Variants in ACSM1 observed in about 807,000 individuals in gnomAD.
ACSM1 encodes acyl-coenzyme A synthetase ACSM1, mitochondrial.
ACSM1 carries 79 observed loss-of-function variants against 75.8 expected under a neutral mutation model. The observed-to-expected ratio is 1.04, with a 90% CI of 0.87 to 1.26. The LOEUF (loss-of-function observed/expected upper bound fraction) is 1.26, where lower values mean the gene tolerates loss of function less well. Among genes scored for constraint, ACSM1 ranks in the 50% most tolerant of loss-of-function variants. The pLI is 0.00. For synonymous variants in ACSM1, 279 were observed against 265.8 expected (o/e 1.05, Z -0.48); for missense variants, 676 against 720.1 (o/e 0.94, Z 0.70).
intron 4 of ACSM1, among the ~76,000 whole-genome samples, chr16:20,678,827 G>A (rs2079372489): frequency 6.6e-6 from 1 of 152,172 alleles, no homozygotes; most frequent in Non-Finnish European, 1.5e-5. Flanking sequence ...TCAAAGGTAG[G>A]ATCAGGTCTT....
At chr16:20,637,854 C>T (rs181543161) in intron 8 of ACSM1, among the ~76,000 whole-genome samples, 1 of 152,318 alleles carries the variant, frequency 6.6e-6, no homozygotes, top group African/African-American at 2.4e-5. Context: ...GGCTGTTGAG[C>T]AGTGATAGGG....
At chr16:20,640,883 T>C (rs778876956) in intron 7 of ACSM1, among the ~76,000 whole-genome samples, 4 of 152,228 alleles carry the variant, frequency 2.6e-5, no homozygotes, top group Admixed American at 2.0e-4. Context: ...TTATCAGAAC[T>C]CCTCTTGGGG....
At chr16:20,694,081 C>A (rs2079677078) in intron 1 of ACSM1, among the ~76,000 whole-genome samples, 1 of 152,332 alleles carries the variant, frequency 6.6e-6, no homozygotes, top group East Asian at 1.9e-4. Context: ...ATAGCCTGTT[C>A]CTCTTGCTTA....
chr16:20,671,449 AC>A, intron 5 of ACSM1, 81 bp downstream of exon 5: 6 of 1,223,824 alleles, frequency 4.9e-6, no homozygotes, highest in Non-Finnish European at 5.5e-6. Flanking sequence ...AGACACACAC[AC>A]ACACACACAC....
intron 2 of ACSM1, among the ~76,000 whole-genome samples, chr16:20,685,819 C>CAAACAAAAA (rs2079538926): frequency 2.0e-5 from 1 of 50,190 alleles, no homozygotes; most frequent in African/African-American, 1.1e-4. Flanking sequence ...GACTCCGTCT[C>CAAACAAAAA]AAAAAAAAAA....
At chr16:20,691,330 G>T in intron 1 of ACSM1, 91 bp from the exon 2 acceptor site, 1 of 653,196 alleles carries the variant, frequency 1.5e-6, no homozygotes, top group Non-Finnish European at 2.5e-6. Flanking sequence ...TACAGTTATA[G>T]CTTTGTTTCA....
At chr16:20,646,631 A>G (rs977539964) in intron 7 of ACSM1, among the ~76,000 whole-genome samples, 3 of 152,156 alleles carry the variant, frequency 2.0e-5, no homozygotes, top group Non-Finnish European at 4.4e-5. Context: ...CTCTTTTCAC[A>G]TGTCTTTCTA....
chr16:20,660,716 C>G (rs1190963589), intron 7 of ACSM1, among the ~76,000 whole-genome samples: 1 of 152,156 alleles, frequency 6.6e-6, no homozygotes, highest in Non-Finnish European at 1.5e-5. Context: ...GATATTTTAA[C>G]TTTTATGTCT....
At position 20,624,221 on chromosome 16, in the gene ACSM1, G is replaced by A. The variant is rs74014538; in HGVS notation, c.1528-6C>T. The A allele has an allele frequency of 1.9e-6, 3 of 1,605,180 alleles. No homozygotes were observed. Among genetic ancestry groups the A allele is most frequent in the Non-Finnish European group, 2.6e-6 (3 of 1,174,800 alleles). On this transcript the variant is annotated splice_region_variant and splice_polypyrimidine_tract_variant and intron_variant, in intron 12 of 13. Transcript: ENST00000520010. ...ACAATAAAGGCCTTCACCACCTGCA[G>A]AATGAAGTCATGGGCTCACAGTGAG...
At position 20,627,305 on chromosome 16, in the gene ACSM1, C is replaced by A; in HGVS notation, c.1311G>T (p.Glu437Asp). Reference protein sequence around the residue: ...SLFMCYEGDPEKTAKVECGDF... With the variant: ...SLFMCYEGDPDKTAKVECGDF... ...CCCCACATTCCACTTTAGCTGTCTT[C>A]TCTGGGTCACCCTGCAAAAAGAAGA... The change falls in exon 11 of 14, where the codon GAG becomes GAT. Residue 437 changes from glutamate to aspartate, a missense_variant. Glu to Asp is a conservative substitution (Grantham distance 45, BLOSUM62 2). Transcript: ENST00000520010. 1 of 1,573,718 alleles carries A rather than the reference C, an allele frequency of 6.4e-7. No homozygotes were observed. The highest frequency in any genetic ancestry group is 8.6e-7 in the Non-Finnish European group (1 of 1,163,738).
At chr16:20,631,433 G>A (rs1215968374) in intron 10 of ACSM1, among the ~76,000 whole-genome samples, 1 of 152,220 alleles carries the variant, frequency 6.6e-6, no homozygotes, top group Non-Finnish European at 1.5e-5. Flanking sequence ...ATGTAAATTA[G>A]TACAGCTGCT....
chr16:20,675,831 C>T (rs1157702283), intron 4 of ACSM1, among the ~76,000 whole-genome samples: 2 of 152,154 alleles, frequency 1.3e-5, no homozygotes, highest in Non-Finnish European at 2.9e-5. Flanking sequence ...GTAGAACGTT[C>T]ACAGCTCACA....
chr16:20,693,856 T>C (rs1428782718), intron 1 of ACSM1, among the ~76,000 whole-genome samples: 1 of 152,246 alleles, frequency 6.6e-6, no homozygotes, highest in African/African-American at 2.4e-5. Flanking sequence ...AAAAGTAAAA[T>C]AGAGGTTCCT....
chr16:20,626,964 T>TATG (rs2016961283), intron 11 of ACSM1, among the ~76,000 whole-genome samples: 1 of 152,094 alleles, frequency 6.6e-6, no homozygotes, highest in Admixed American at 6.5e-5. Flanking sequence ...AGTGTCTTAT[T>TATG]ATGGCTCCTC....
At chr16:20,677,294 A>T (rs113638159) in intron 4 of ACSM1, among the ~76,000 whole-genome samples, 2 of 151,912 alleles carry the variant, frequency 1.3e-5, no homozygotes, top group South Asian at 4.1e-4. Flanking sequence ...AACTAAGCTT[A>T]TCTTCTTGTA....
chr16:20,640,451 C>T lies in ACSM1; in HGVS notation c.1116+10G>A, dbSNP rs369054772. On this transcript the variant is annotated intron_variant, in intron 8 of 13. Coordinates refer to ENST00000520010, the MANE Select transcript of ACSM1 (RefSeq NM_001318890.3). ...CCTGTCTCAGACACTTTCTGGTTTG[C>T]ACCACCTACCGTTTCCGACTGCCCA... is the stretch of plus-strand genomic sequence containing the variant. 1.1e-5 allele frequency: 18 copies of T among 1,613,964 alleles called. No individual in the cohort carries two copies. The African/African-American group carries it at 2.3e-4, about 20-fold the overall frequency.
intron 8 of ACSM1, among the ~76,000 whole-genome samples, chr16:20,639,628 G>A (rs1055707663): frequency 7.2e-5 from 11 of 152,192 alleles, no homozygotes; most frequent in African/African-American, 2.7e-4. Context: ...GTAAGATGAC[G>A]AGTTGTACAT....
intron 1 of ACSM1, among the ~76,000 whole-genome samples, chr16:20,694,448 G>T (rs2079679232): frequency 6.6e-6 from 1 of 152,156 alleles, no homozygotes; most frequent in African/African-American, 2.4e-5. Context: ...AGCCAAGTTG[G>T]TTCTAGAAGC....
intron 7 of ACSM1, among the ~76,000 whole-genome samples, chr16:20,650,114 G>A (rs1596842188): frequency 6.6e-6 from 1 of 152,108 alleles, no homozygotes; most frequent in Non-Finnish European, 1.5e-5. Context: ...CCCTTTGGTT[G>A]ACAGTCCTTG....
Sources: allele counts gnomAD v4.1 joint callset (sites outside exome capture counted in the v4.1 genomes callset), GRCh38; gene constraint gnomAD v4.1.1; transcripts MANE v1.5; gene names NCBI Gene and HGNC (gene_info 2026-07-23, HGNC 2026-07-21).